The following UTP25 variants were observed in gnomAD, a reference collection of about 807,000 sequenced individuals.
UTP25 encodes UTP25 small subunit processome component, also known as U3 small nucleolar RNA-associated protein 25 homolog.
A neutral mutation model predicts 78.9 loss-of-function variants in UTP25; 50 were observed. The ratio of observed to expected loss-of-function variants is 0.63; its 90% CI spans 0.50 to 0.80. The LOEUF is 0.80. Among genes scored for constraint, UTP25 ranks in the 30% least tolerant of loss-of-function variants. The pLI is 0.00. For synonymous variants in UTP25, 329 were observed against 336.5 expected (o/e 0.98, Z 0.24); for missense variants, 846 against 911.3 (o/e 0.93, Z 0.92).
intron 5 of UTP25, 123 bp from the exon 6 acceptor site, chr1:209,836,678 C>T: frequency 9.7e-7 from 1 of 1,035,746 alleles, no homozygotes; most frequent in Non-Finnish European, 1.4e-6. Flanking sequence ...CCTTGCAGGG[C>T]TGTTGTGAGG....
chr1:209,828,019 G>A lies in UTP25; in HGVS notation c.-45G>A, dbSNP rs1172924689. On this transcript the variant is annotated 5_prime_UTR_variant, in exon 1 of 12. Coordinates refer to ENST00000491415, the MANE Select transcript of UTP25 (RefSeq NM_014388.7). ...TGTGTTGACTGGACAACTTCCTGGT[G>A]GAAAACCGCGACTCTTGCAAGTGGG... 1.6e-5 allele frequency: 24 copies of A among 1,513,404 alleles called. No homozygotes were observed. Among genetic ancestry groups the A allele is most frequent in the Non-Finnish European group, 2.1e-5 (23 of 1,088,662 alleles). 93.7% of individuals were successfully genotyped at this position (1,513,404 alleles called of 1,614,324 possible).
Position 209,840,873 on chromosome 1 carries a change from A to G in UTP25, c.1303A>G (p.Ser435Gly), listed in dbSNP as rs2078163094. 6.2e-7 allele frequency: 1 copy of G among 1,612,484 alleles called. No homozygotes were observed. Among genetic ancestry groups the G allele is most frequent in the Non-Finnish European group, 8.5e-7 (1 of 1,179,864 alleles). The change falls in exon 8 of 12, where the codon AGC becomes GGC. Residue 435 changes from serine (S) to glycine (G), a missense_variant. Ser to Gly is a moderately conservative substitution (Grantham distance 56, BLOSUM62 0). Transcript: ENST00000491415. ...FRIGVAILQR[S>G]IRLYAPFYSS... is the part of the protein sequence containing the mutation. ...TGTAGGAGTGGCAATACTTCAGAGA[A>G]GCATCCGACTCTATGCCCCGTTTTA... is the stretch of plus-strand genomic sequence containing the variant.
intron 1 of UTP25, 99 bp downstream of exon 1, chr1:209,828,269 T>C (rs1434682844): frequency 2.2e-6 from 2 of 890,056 alleles, no homozygotes; most frequent in East Asian, 2.8e-5. Context: ...CTTTTCCCAC[T>C]ATTCCCTGGC....
chr1:209,833,390 C>T lies in UTP25; in HGVS notation c.562+32C>T, dbSNP rs777540657. ...GCACAGTGTGTGTTATTTGAATTCA[C>T]CAGGTGCTTAGTATGGAATTTGTGT... On this transcript the variant is annotated intron_variant, in intron 4 of 11. Coordinates refer to ENST00000491415, the MANE Select transcript of UTP25 (RefSeq NM_014388.7). 10 of 1,490,620 alleles carry T rather than the reference C, an allele frequency of 6.7e-6. No individual in the cohort carries two copies. The African/African-American group carries it at 1.0e-4, about 15-fold the overall frequency. The allele number at this position is 1,490,620 out of a possible 1,614,324, so 92.3% of individuals were successfully genotyped here. A position where few individuals can be genotyped will look rare whatever the true frequency, so the allele number is the denominator to read the frequency against.
intron 10 of UTP25, chr1:209,843,089 A>G (rs1001672786): frequency 1.8e-5 from 6 of 338,972 alleles, no homozygotes; most frequent in Admixed American, 4.6e-5. Flanking sequence ...GGGGACCCCA[A>G]AGAAGCTTAG....
chr1:209,843,805 C>T, intron 11 of UTP25, 109 bp downstream of exon 11: 1 of 1,393,990 alleles, frequency 7.2e-7, no homozygotes, highest in Non-Finnish European at 9.7e-7. Context: ...TCATCCCTCA[C>T]TCTCGCACTC....
chr1:209,851,445 T>C lies in UTP25; in HGVS notation c.2269T>C (p.Ter757ArgextTer16). ...CCACCTCTTCATTACTGGAGAAAAA[T>C]GAAATTTTGTTGGGCAGGAAGTGGT... ...NVHLFITGEK[*>R] Residue 757 changes from the stop codon to arginine (R), a stop_lost, in exon 12 of 12, where the codon TGA (stop) becomes CGA (arginine). Coordinates refer to ENST00000491415, the MANE Select transcript of UTP25 (RefSeq NM_014388.7). The C allele has an allele frequency of 6.2e-7, 1 of 1,600,944 alleles. No homozygotes were observed. Among genetic ancestry groups the C allele is most frequent in the Non-Finnish European group, 8.5e-7 (1 of 1,173,334 alleles).
chr1:209,833,249 A>T lies in UTP25; in HGVS notation c.453A>T (p.Gln151His). ...EDGEEPPGTS[Q>H]TSPEEFTDAK... ...GGGAAGAGCCACCGGGCACATCACAAACATCCCCCGAAGAGTTCACAGATG... is the reference window on the plus strand; with the variant it reads ...GGGAAGAGCCACCGGGCACATCACATACATCCCCCGAAGAGTTCACAGATG... The change falls in exon 4 of 12, where the codon CAA becomes CAT. Residue 151 changes from glutamine (Q) to histidine (H), a missense_variant. Coordinates refer to ENST00000491415, the MANE Select transcript of UTP25 (RefSeq NM_014388.7). 1 of 1,613,994 alleles carries T rather than the reference A, an allele frequency of 6.2e-7. No individual in the cohort carries two copies. Among genetic ancestry groups the T allele is most frequent in the East Asian group, 2.2e-5 (1 of 44,840 alleles).
At chr1:209,835,242 C>T in intron 5 of UTP25, 79 bp downstream of exon 5, 4 of 1,257,446 alleles carry the variant, frequency 3.2e-6, no homozygotes, top group South Asian at 1.2e-5. Context: ...TAGTGGCCTC[C>T]CAGAATGTAT....
At chr1:209,848,042 G>A (rs1445908145) in intron 11 of UTP25, among the ~76,000 whole-genome samples, 2 of 152,138 alleles carry the variant, frequency 1.3e-5, no homozygotes, top group Non-Finnish European at 2.9e-5. Flanking sequence ...TTAGATCAGT[G>A]GTTCTCAAAC....
chr1:209,841,112 A>T (rs960007668), intron 8 of UTP25, 57 bp downstream of exon 8: 2 of 1,580,344 alleles, frequency 1.3e-6, no homozygotes, highest in African/African-American at 1.3e-5. Context: ...GGGATAAGAC[A>T]CCCAGTGGTT....
intron 11 of UTP25, among the ~76,000 whole-genome samples, chr1:209,848,694 C>T (rs1180522437): frequency 6.6e-6 from 1 of 152,180 alleles, no homozygotes; most frequent in Non-Finnish European, 1.5e-5. Flanking sequence ...GTAATTTATG[C>T]TCCATTCACC....
At chr1:209,836,188 G>T (rs592694) in intron 5 of UTP25, among the ~76,000 whole-genome samples, 103,728 of 151,956 alleles carry the variant, frequency 0.68, 36,096 homozygotes, top group Non-Finnish European at 0.75. Flanking sequence ...TCCCTGGAGA[G>T]TCATCCAAGT....
rs1463009215 is a variant in UTP25 at position 209,836,841 on chromosome 1, A to G, written c.692A>G (p.Gln231Arg). The G allele has an allele frequency of 6.2e-7, 1 of 1,610,906 alleles. No individual in the cohort carries two copies. The highest frequency in any genetic ancestry group is 1.1e-5 in the South Asian group (1 of 90,572). The change falls in exon 6 of 12, where the codon CAG becomes CGG. Residue 231 changes from glutamine to arginine, a missense_variant. Transcript: ENST00000491415. ...CAGCTTTTCTTTTCCTCTAAGTTTC[A>G]GAAGTTGGAAACATTTAAACCCCCA... ...LGQLFFSSKF[Q>R]KLETFKPPKD...
At chr1:209,832,490 C>T (rs148132715) in intron 3 of UTP25, among the ~76,000 whole-genome samples, 303 of 152,252 alleles carry the variant, frequency 2.0e-3, no homozygotes, top group African/African-American at 6.2e-3. Context: ...TCATGTACAT[C>T]TTAGTGTACT....
intron 4 of UTP25, among the ~76,000 whole-genome samples, chr1:209,834,803 A>G (rs1423548518): frequency 6.6e-6 from 1 of 152,268 alleles, no homozygotes; most frequent in African/African-American, 2.4e-5. Context: ...ACGGAGATGC[A>G]GGTTGGAGGT....
Position 209,838,839 on chromosome 1 carries a change from T to C in UTP25, c.1063-70T>C, listed in dbSNP as rs139795463. On this transcript the variant is annotated intron_variant, in intron 6 of 11. Transcript: ENST00000491415. ...CATGGAGCTTTTTAGCTCCACTTCC[T>C]CAGCAGTTTCACCTCAAGATCCTGT... is the stretch of plus-strand genomic sequence containing the variant. 2.0e-3 allele frequency: 3,066 copies of C among 1,532,692 alleles called. 40 individuals carry two copies. In the African/African-American group the frequency reaches 0.034, roughly 17 times the overall value. 94.9% of individuals were successfully genotyped at this position (1,532,692 alleles called of 1,614,324 possible).
intron 8 of UTP25, among the ~76,000 whole-genome samples, chr1:209,841,750 G>T (rs1470131028): frequency 6.6e-6 from 1 of 152,098 alleles, no homozygotes; most frequent in East Asian, 1.9e-4. Context: ...TTCTAAAGTA[G>T]GAAATAAATT....
intron 1 of UTP25, among the ~76,000 whole-genome samples, chr1:209,829,054 G>A (rs1207571871): frequency 2.6e-5 from 4 of 152,116 alleles, no homozygotes; most frequent in African/African-American, 9.7e-5. Flanking sequence ...AATTACAGGC[G>A]TGAACCACCG....
Sources: gnomAD v4.1 joint callset for allele counts (sites outside exome capture counted in the v4.1 genomes callset) on GRCh38, gnomAD v4.1.1 for gene constraint, MANE v1.5 for transcripts, NCBI Gene and HGNC (gene_info 2026-07-23, HGNC 2026-07-21) for gene names.